The following NUP62CL variants were observed in gnomAD, a reference collection of about 807,000 sequenced individuals.
The protein encoded by NUP62CL is nucleoporin-62 C-terminal-like protein.
NUP62CL carries 13 observed loss-of-function variants against 15.3 expected under a neutral mutation model. The observed-to-expected ratio is 0.85, with a 90% CI of 0.55 to 1.35. The LOEUF (loss-of-function observed/expected upper bound fraction) is 1.35. NUP62CL is among the 40% of genes most tolerant of loss of function. The pLI is 0.00. For missense variants in NUP62CL, 123 were observed against 130.6 expected, an observed-to-expected ratio of 0.94 and a Z score of 0.28; for synonymous variants, 54 against 49.2, an observed-to-expected ratio of 1.10 and a Z score of -0.41.
Position 107,154,215 on chromosome X carries a change from G to A in NUP62CL, c.226C>T (p.His76Tyr), listed in dbSNP as rs760728395. The change falls in exon 5 of 9, where the codon CAT becomes TAT. Residue 76 changes from histidine (H) to tyrosine (Y), a missense_variant. Transcript: ENST00000372466. The part of the protein sequence containing the change: ...VVATPVMTYG[H>Y]LEGLINEWNL... ...CACTCATTTATAAGACCCTCCAGAT[G>A]ACCATATGTCATCACAGGAGTTGCT... 5.8e-6 allele frequency: 7 copies of A among 1,201,321 alleles called. No individual in the cohort carries two copies. Among genetic ancestry groups the A allele is most frequent in the Non-Finnish European group, 7.9e-6 (7 of 890,039 alleles).
At chrX:107,158,503 A>T (rs1308816427) in intron 4 of NUP62CL, among the ~76,000 whole-genome samples, 1 of 82,338 alleles carries the variant, frequency 1.2e-5, no homozygotes, top group Non-Finnish European at 2.1e-5. Flanking sequence ...CTACATGGAA[A>T]CTGAACAACC....
Position 107,140,980 on chromosome X carries a change from AAAC to A in NUP62CL, c.*42+6760_*42+6762del, listed in dbSNP as rs374778268. Among the ~76,000 whole-genome samples, 579 of 112,536 alleles carry A rather than the reference AAAC, an allele frequency of 5.1e-3. 3 individuals are homozygous for A. Among genetic ancestry groups the A allele is most frequent in the African/African-American group, 0.018 (559 of 31,042 alleles). On this transcript the variant is annotated intron_variant, in intron 8 of 8. Coordinates refer to ENST00000372466, the MANE Select transcript of NUP62CL (RefSeq NM_017681.3). ...TTGGAGAAAAATCCGTCCTTCTCAC[AAAC>A]AATATATATTCTGCTATTTGGAAGT...
chrX:107,169,456 G>C (rs1926595728), intron 3 of NUP62CL, among the ~76,000 whole-genome samples: 1 of 112,288 alleles, frequency 8.9e-6, no homozygotes, highest in Admixed American at 9.4e-5. Context: ...GACTTTACTT[G>C]AATTCCACAA....
intron 8 of NUP62CL, among the ~76,000 whole-genome samples, chrX:107,141,224 G>A (rs1925759710): frequency 8.9e-6 from 1 of 112,079 alleles, no homozygotes; most frequent in Admixed American, 9.4e-5. Flanking sequence ...CCTAACAGCA[G>A]CTGAATACTT....
At chrX:107,138,628 C>T (rs1925696537) in intron 8 of NUP62CL, among the ~76,000 whole-genome samples, 1 of 111,737 alleles carries the variant, frequency 8.9e-6, no homozygotes, top group Non-Finnish European at 1.9e-5. Context: ...ACCTCCATTA[C>T]AAGAGCTAAA....
chrX:107,131,663 G>A (rs937613033), intron 8 of NUP62CL: 4 of 621,090 alleles, frequency 6.4e-6, no homozygotes, highest in Non-Finnish European at 1.1e-5. Context: ...GCGGGATCTG[G>A]AGGATGGAGA....
intron 8 of NUP62CL, among the ~76,000 whole-genome samples, chrX:107,140,026 G>T (rs1925729254): frequency 9.0e-6 from 1 of 111,590 alleles, no homozygotes; most frequent in African/African-American, 3.3e-5. Context: ...CTCCATTTCT[G>T]CCATGAGAAT....
chrX:107,165,310 A>T (rs886899322), intron 4 of NUP62CL, among the ~76,000 whole-genome samples: 2 of 109,628 alleles, frequency 1.8e-5, no homozygotes, highest in African/African-American at 6.6e-5. Context: ...GTCTCAAAAA[A>T]AAAAATAATA....
intron 4 of NUP62CL, among the ~76,000 whole-genome samples, chrX:107,161,224 C>A (rs1169614544): frequency 1.0e-5 from 1 of 98,184 alleles, no homozygotes; most frequent in Non-Finnish European, 2.1e-5. Context: ...GTCAGTGTGG[C>A]GATTCCTCAG....
chrX:107,198,967 C>T (rs1049179267), intron 1 of NUP62CL, among the ~76,000 whole-genome samples: 8 of 112,033 alleles, frequency 7.1e-5, no homozygotes, highest in African/African-American at 2.6e-4. Flanking sequence ...TCTCATGTAT[C>T]AGCATGCAAA....
rs1317616493 is a variant in NUP62CL at position 107,189,924 on chromosome X, AG to A, written c.-48+3104del. Among the ~76,000 whole-genome samples the A allele has an allele frequency of 1.8e-4, 19 of 107,877 alleles. 1 individual carries two copies. The highest frequency in any genetic ancestry group is 9.4e-3 in the Middle Eastern group (2 of 213). 93.7% of individuals were successfully genotyped at this position (107,877 alleles called of 115,157 possible). A position where few individuals can be genotyped will look rare whatever the true frequency, so the allele number is the denominator to read the frequency against. On this transcript the variant is annotated intron_variant, in intron 2 of 8. Transcript: ENST00000372466. ...AAGAAAGAAAGAAAGAAAGAAAGAA[AG>A]AAAGAAAGAAAGAAAGAAAGAGAAT...
At chrX:107,183,857 C>A (rs2147812456) in intron 2 of NUP62CL, among the ~76,000 whole-genome samples, 1 of 111,067 alleles carries the variant, frequency 9.0e-6, no homozygotes, top group South Asian at 3.9e-4. Flanking sequence ...GGCATCCCAA[C>A]ACCCTCGCCA....
At chrX:107,128,665 G>T (rs1489570837) in intron 8 of NUP62CL, among the ~76,000 whole-genome samples, 1 of 111,587 alleles carries the variant, frequency 9.0e-6, no homozygotes, top group Admixed American at 9.5e-5. Context: ...GTCAAGGAAG[G>T]CTTCACAAAC....
chrX:107,170,122 G>A (rs1254689053), intron 3 of NUP62CL, among the ~76,000 whole-genome samples: 3 of 106,022 alleles, frequency 2.8e-5, no homozygotes, highest in Non-Finnish European at 5.8e-5. Context: ...GAGCGACAGA[G>A]CGAGATTCTG....
At position 107,147,785 on chromosome X, in the gene NUP62CL, T is replaced by A. The variant is rs775966047; in HGVS notation, c.555A>T (p.Ter185CysextTer21). The change falls in exon 8 of 9, where the codon TGA becomes TGT. Residue 185 changes from the stop codon to cysteine (C), a stop_lost. Coordinates refer to ENST00000372466, the MANE Select transcript of NUP62CL (RefSeq NM_017681.3). The stretch of plus-strand genomic sequence containing the variant: ...CACTGCAGGGAGTCCATATGGGCAT[T>A]CAGAATTCTGCAGATCTGGTGGAGC... ...VEISTRSAEF* is the reference protein window; with the variant it reads ...VEISTRSAEFC 1 of 1,201,577 alleles carries A rather than the reference T, an allele frequency of 8.3e-7. No individual in the cohort carries two copies. Among genetic ancestry groups the A allele is most frequent in the Non-Finnish European group, 1.1e-6 (1 of 886,865 alleles).
chrX:107,152,101 TATATATATATATTCAG>T lies in NUP62CL; in HGVS notation c.530+1055_530+1070del, dbSNP rs1569357092. On this transcript the variant is annotated intron_variant, in intron 7 of 8. Transcript: ENST00000372466. ...TCAGATATATATATATATATTCAGA[TATATATATATATTCAG>T]ATATATATATATATTCAGATATATA... is the stretch of plus-strand genomic sequence containing the variant. 6.1e-4 allele frequency among the ~76,000 whole-genome samples: 41 copies of T among 66,722 alleles called. 2 individuals are homozygous for T. Among genetic ancestry groups the T allele is most frequent in the East Asian group, 1.7e-3 (3 of 1,746 alleles). The allele number at this position is 66,722 out of a possible 115,157, so 57.9% of individuals were successfully genotyped here.
chrX:107,171,099 T>C (rs775785145), intron 3 of NUP62CL, among the ~76,000 whole-genome samples: 36 of 112,263 alleles, frequency 3.2e-4, no homozygotes, highest in Non-Finnish European at 6.0e-4. Context: ...TCCCAAACTA[T>C]AAAAATCAAA....
intron 2 of NUP62CL, among the ~76,000 whole-genome samples, chrX:107,186,588 A>G (rs1480526279): frequency 8.9e-6 from 1 of 112,064 alleles, no homozygotes; most frequent in Non-Finnish European, 1.9e-5. Flanking sequence ...GATGAATTAT[A>G]TAGTAGTAAA....
intron 4 of NUP62CL, among the ~76,000 whole-genome samples, chrX:107,164,200 A>G (rs1926454299): frequency 8.9e-6 from 1 of 112,053 alleles, no homozygotes; most frequent in Non-Finnish European, 1.9e-5. Flanking sequence ...CAGAAAAAAC[A>G]ACAAGAAAAT....
Sources: allele counts gnomAD v4.1 joint callset (sites outside exome capture counted in the v4.1 genomes callset), GRCh38; gene constraint gnomAD v4.1.1; transcripts MANE v1.5; gene names NCBI Gene and HGNC (gene_info 2026-07-23, HGNC 2026-07-21).